The following RASGRP1 variants were observed in gnomAD, a reference collection of about 807,000 sequenced individuals.
RASGRP1 encodes RAS guanyl-releasing protein 1.
RASGRP1 carries 37 observed loss-of-function variants against 95.1 expected under a neutral mutation model. The observed-to-expected ratio is 0.39, with a 90% confidence interval of 0.30 to 0.51. The LOEUF (loss-of-function observed/expected upper bound fraction) is 0.51, where lower values mean the gene tolerates loss of function less well. Among genes scored for constraint, RASGRP1 ranks in the 20% least tolerant of loss-of-function variants. RASGRP1 has a pLI of 0.80. For synonymous variants in RASGRP1, 325 were observed against 353.4 expected (o/e 0.92, Z 0.90); for missense variants, 711 against 965.4 (o/e 0.74, Z 3.49).
intron 5 of RASGRP1, among the ~76,000 whole-genome samples, chr15:38,517,042 G>C (rs1403964521): frequency 6.6e-6 from 1 of 152,140 alleles, no homozygotes; most frequent in Non-Finnish European, 1.5e-5. Flanking sequence ...AAAGACAGCA[G>C]GTTGCCTGTC....
chr15:38,513,479 A>G (rs1452018229), intron 6 of RASGRP1, among the ~76,000 whole-genome samples: 3 of 152,238 alleles, frequency 2.0e-5, no homozygotes, highest in Non-Finnish European at 2.9e-5. Context: ...AGTGTTACAT[A>G]TATGTAAGGT....
chr15:38,550,461 T>C (rs1345235119), intron 2 of RASGRP1, among the ~76,000 whole-genome samples: 1 of 152,188 alleles, frequency 6.6e-6, no homozygotes, highest in African/African-American at 2.4e-5. Flanking sequence ...AATTAGCATG[T>C]AGCATTGAAA....
intron 2 of RASGRP1, among the ~76,000 whole-genome samples, chr15:38,556,612 A>G (rs1893563553): frequency 6.6e-6 from 1 of 152,192 alleles, no homozygotes. Flanking sequence ...TTTTGCAACA[A>G]TGGAAGTGCT....
chr15:38,515,186 T>G (rs1297079523), intron 6 of RASGRP1, among the ~76,000 whole-genome samples: 1 of 152,232 alleles, frequency 6.6e-6, no homozygotes, highest in Non-Finnish European at 1.5e-5. Context: ...GCTGAGTGAC[T>G]GAGAGAGGCA....
At chr15:38,513,749 C>T (rs949738899) in intron 6 of RASGRP1, among the ~76,000 whole-genome samples, 5 of 152,218 alleles carry the variant, frequency 3.3e-5, no homozygotes, top group African/African-American at 1.2e-4. Context: ...AATCCCTCTG[C>T]TCAAATCACA....
intron 2 of RASGRP1, among the ~76,000 whole-genome samples, chr15:38,531,316 T>G (rs1256748030): frequency 6.6e-6 from 1 of 152,222 alleles, no homozygotes; most frequent in Non-Finnish European, 1.5e-5. Context: ...CCTGGCTGCA[T>G]GCTGAATCAC....
chr15:38,504,419 T>C (rs1047248079), intron 10 of RASGRP1: 1 of 152,220 alleles, frequency 6.6e-6, no homozygotes, highest in African/African-American at 2.4e-5. Flanking sequence ...TCTATAAACT[T>C]TTTTCTATTT....
chr15:38,556,381 A>G (rs1595884782), intron 2 of RASGRP1, among the ~76,000 whole-genome samples: 1 of 152,332 alleles, frequency 6.6e-6, no homozygotes, highest in East Asian at 1.9e-4. Context: ...TAAAAGCAAT[A>G]TAAGTCCTTC....
At chr15:38,494,116 T>C (rs184834365) in intron 16 of RASGRP1, among the ~76,000 whole-genome samples, 8 of 152,338 alleles carry the variant, frequency 5.3e-5, no homozygotes, top group Admixed American at 1.3e-4. Flanking sequence ...TGTGTGGTGA[T>C]AGGGAGCCCT....
At chr15:38,494,317 CT>C in intron 16 of RASGRP1, 64 bp downstream of exon 16, 1 of 1,573,858 alleles carries the variant, frequency 6.4e-7, no homozygotes, top group Non-Finnish European at 8.7e-7. Context: ...TCCACATGCT[CT>C]TTCCTGGTTT....
chr15:38,550,680 T>C (rs1893306826), intron 2 of RASGRP1, among the ~76,000 whole-genome samples: 1 of 152,172 alleles, frequency 6.6e-6, no homozygotes, highest in African/African-American at 2.4e-5. Flanking sequence ...CAAAATTGTT[T>C]AAGATATAAA....
intron 15 of RASGRP1, among the ~76,000 whole-genome samples, chr15:38,498,133 G>A (rs558649756): frequency 2.0e-5 from 3 of 152,298 alleles, no homozygotes; most frequent in African/African-American, 7.2e-5. Flanking sequence ...CTAAGTGACA[G>A]TCACAGTTTT....
At chr15:38,561,819 G>T (rs1186803554) in intron 1 of RASGRP1, among the ~76,000 whole-genome samples, 3 of 152,174 alleles carry the variant, frequency 2.0e-5, no homozygotes, top group African/African-American at 7.2e-5. Flanking sequence ...CAGGACTCAA[G>T]TTTCTGGCCA....
At chr15:38,515,599 T>C (rs1891727163) in intron 6 of RASGRP1, among the ~76,000 whole-genome samples, 1 of 152,104 alleles carries the variant, frequency 6.6e-6, no homozygotes, top group African/African-American at 2.4e-5. Context: ...TGAAAGGTTT[T>C]GGGTCAGCAC....
intron 1 of RASGRP1, among the ~76,000 whole-genome samples, chr15:38,560,771 C>T (rs1296233509): frequency 6.6e-6 from 1 of 152,116 alleles, no homozygotes; most frequent in African/African-American, 2.4e-5. Context: ...TACTTGGGTC[C>T]TGATTGAAAC....
intron 15 of RASGRP1, among the ~76,000 whole-genome samples, chr15:38,496,438 T>C (rs1013654120): frequency 2.0e-5 from 3 of 152,130 alleles, no homozygotes; most frequent in Non-Finnish European, 4.4e-5. Context: ...GGGATTCCTT[T>C]TTGAGGCCTC....
At chr15:38,531,990 C>T (rs1180869331) in intron 2 of RASGRP1, among the ~76,000 whole-genome samples, 1 of 152,060 alleles carries the variant, frequency 6.6e-6, no homozygotes, top group African/African-American at 2.4e-5. Flanking sequence ...CCTTCCTGCC[C>T]TCATTCTGTA....
In RASGRP1 at chr15:38,494,374, GA is replaced by G; in HGVS notation, c.2259+7del. On this transcript the variant is annotated splice_region_variant and intron_variant, in intron 16 of 16. Transcript: ENST00000310803. ...GTCTGAAAAAAAGGAAAATGAAAAG[GA>G]AGGTACCTGTTCCAGTTCTTGGTAG... The G allele has an allele frequency of 6.2e-7, 1 of 1,613,568 alleles. No individual in the cohort carries two copies. The highest frequency in any genetic ancestry group is 8.5e-7 in the Non-Finnish European group (1 of 1,179,800).
intron 3 of RASGRP1, among the ~76,000 whole-genome samples, chr15:38,521,792 A>C (rs1054047178): frequency 2.0e-5 from 3 of 152,144 alleles, no homozygotes; most frequent in Admixed American, 2.0e-4. Context: ...TTTCAAATTT[A>C]TCCCTCTCTT....
Sources: gnomAD v4.1 joint callset for allele counts (sites outside exome capture counted in the v4.1 genomes callset) on GRCh38, gnomAD v4.1.1 for gene constraint, MANE v1.5 for transcripts, NCBI Gene and HGNC (gene_info 2026-07-23, HGNC 2026-07-21) for gene names.